Variants in MYO1B observed in about 807,000 individuals in gnomAD.
MYO1B encodes myosin IB.
In MYO1B, 72 loss-of-function variants were observed where a neutral mutation model predicts 159.7. The ratio of observed to expected loss-of-function variants is 0.45; its 90% CI spans 0.37 to 0.55. The LOEUF (loss-of-function observed/expected upper bound fraction) is 0.55. Ranked by LOEUF, MYO1B falls within the 20% of genes least tolerant of loss-of-function variation. MYO1B has a pLI of 0.00. For synonymous variants in MYO1B, 468 were observed against 473.8 expected, an observed-to-expected ratio of 0.99 and a Z score of 0.16; for missense variants, 1,062 against 1,364.8, an observed-to-expected ratio of 0.78 and a Z score of 3.50.
intron 1 of MYO1B, among the ~76,000 whole-genome samples, chr2:191,254,888 C>A (rs955668438): frequency 6.6e-6 from 1 of 152,042 alleles, no homozygotes; most frequent in Admixed American, 6.6e-5. Flanking sequence ...TGTTTAGGTG[C>A]CTAGTATGTT....
chr2:191,389,728 C>T (rs1480047983), intron 17 of MYO1B, among the ~76,000 whole-genome samples: 2 of 152,206 alleles, frequency 1.3e-5, no homozygotes, highest in Non-Finnish European at 2.9e-5. Flanking sequence ...AGGGAGGAAA[C>T]AGTGTTTTTT....
chr2:191,387,100 G>A (rs970813957), intron 16 of MYO1B, 124 bp from the exon 17 acceptor site: 35 of 917,360 alleles, frequency 3.8e-5, no homozygotes, highest in Middle Eastern at 2.4e-4. Flanking sequence ...TGACTAACAT[G>A]TCAGGGATTT....
chr2:191,272,259 A>G (rs746223105), intron 1 of MYO1B, among the ~76,000 whole-genome samples: 3 of 152,236 alleles, frequency 2.0e-5, no homozygotes, highest in Non-Finnish European at 4.4e-5. Flanking sequence ...ACCAGTTGGC[A>G]GGCTTGTGGC....
chr2:191,352,232 C>T (rs10184298), intron 7 of MYO1B, among the ~76,000 whole-genome samples: 3,360 of 152,214 alleles, frequency 0.022, 113 homozygotes, highest in African/African-American at 0.075. Context: ...TTTAAGATCA[C>T]CATTTTAAGG....
In MYO1B at chr2:191,411,116, A is replaced by G; in HGVS notation, c.2817A>G (p.Glu939=). The change falls in exon 27 of 31, where the codon GAA becomes GAG. Residue 939 remains glutamate (E), a synonymous_variant. Transcript: ENST00000392318. ...QFTDQQKLIY[E]EKLEASELFK... ...CAGACCAGCAGAAACTTATTTATGA[A>G]GAGAAACTAGAAGCCAGTGAACTCT... The G allele has an allele frequency of 6.2e-7, 1 of 1,612,628 alleles. No individual in the cohort carries two copies. The highest frequency in any genetic ancestry group is 1.3e-5 in the African/African-American group (1 of 74,968).
At chr2:191,390,733 G>T (rs577733555) in intron 18 of MYO1B, among the ~76,000 whole-genome samples, 1 of 152,194 alleles carries the variant, frequency 6.6e-6, no homozygotes, top group African/African-American at 2.4e-5. Context: ...AGGTAGGTTC[G>T]TAGGAGGTGG....
intron 14 of MYO1B, 77 bp from the exon 15 acceptor site, chr2:191,383,203 G>C: frequency 1.2e-6 from 1 of 835,754 alleles, no homozygotes; most frequent in South Asian, 1.7e-5. Flanking sequence ...TGATAAGATG[G>C]TCAAAGTCTG....
At chr2:191,256,068 C>T (rs1367608338) in intron 1 of MYO1B, among the ~76,000 whole-genome samples, 1 of 152,120 alleles carries the variant, frequency 6.6e-6, no homozygotes, top group African/African-American at 2.4e-5. Context: ...GGATGGGATC[C>T]AAACTGAGTT....
rs554916817 is a variant in MYO1B, at chr2:191,336,545, A to C, written c.347-4916A>C. Reference sequence around the variant, plus strand: ...TCAGAAGAGGATGACATACAGGCTTATTTCAATAAAAACATCACCAGTTGT... The same window carrying C: ...TCAGAAGAGGATGACATACAGGCTTCTTTCAATAAAAACATCACCAGTTGT... On this transcript the variant is annotated intron_variant, in intron 4 of 30. Transcript: ENST00000392318. Among the ~76,000 whole-genome samples the C allele has an allele frequency of 2.6e-5, 4 of 152,312 alleles. No individual in the cohort carries two copies. The South Asian group carries it at 8.3e-4, about 32-fold the overall frequency.
At chr2:191,279,554 A>G (rs1213692506) in intron 2 of MYO1B, among the ~76,000 whole-genome samples, 1 of 152,122 alleles carries the variant, frequency 6.6e-6, no homozygotes, top group African/African-American at 2.4e-5. Flanking sequence ...TTTGATTACC[A>G]CACTCTCCAG....
At chr2:191,315,038 T>G (rs1489336696) in intron 3 of MYO1B, among the ~76,000 whole-genome samples, 1 of 152,114 alleles carries the variant, frequency 6.6e-6, no homozygotes, top group South Asian at 2.1e-4. Flanking sequence ...ATGTTACAGG[T>G]GTAAGTGAAT....
chr2:191,305,366 C>T (rs982705567), intron 3 of MYO1B, among the ~76,000 whole-genome samples: 3 of 152,114 alleles, frequency 2.0e-5, no homozygotes, highest in Admixed American at 6.5e-5. Context: ...TTCAGCAGAG[C>T]GAATATGAGG....
chr2:191,349,922 C>T (rs1235141747), intron 6 of MYO1B, among the ~76,000 whole-genome samples: 1 of 152,136 alleles, frequency 6.6e-6, no homozygotes, highest in Admixed American at 6.5e-5. Flanking sequence ...CACATGATGG[C>T]TGAGAAGATT....
chr2:191,268,734 G>A (rs938562125), intron 1 of MYO1B, among the ~76,000 whole-genome samples: 1 of 152,176 alleles, frequency 6.6e-6, no homozygotes, highest in Admixed American at 6.5e-5. Flanking sequence ...CATGATAGCT[G>A]TTCCCTGGAT....
intron 30 of MYO1B, among the ~76,000 whole-genome samples, chr2:191,419,362 C>T (rs994394746): frequency 2.2e-4 from 33 of 151,798 alleles, no homozygotes; most frequent in Middle Eastern, 3.4e-3. Context: ...GGGACTACAG[C>T]TGCCCGCCAC....
chr2:191,406,972 G>A (rs1696955981), intron 24 of MYO1B, among the ~76,000 whole-genome samples: 1 of 152,190 alleles, frequency 6.6e-6, no homozygotes, highest in Non-Finnish European at 1.5e-5. Context: ...GTACAGATGA[G>A]GAAAGCATCA....
At chr2:191,405,245 C>G (rs1696848460) in intron 24 of MYO1B, among the ~76,000 whole-genome samples, 1 of 152,166 alleles carries the variant, frequency 6.6e-6, no homozygotes, top group Non-Finnish European at 1.5e-5. Context: ...GAGATTGCAG[C>G]AATTCAGTCC....
intron 2 of MYO1B, among the ~76,000 whole-genome samples, chr2:191,287,543 G>A (rs1388506531): frequency 1.3e-5 from 2 of 150,828 alleles, no homozygotes; most frequent in African/African-American, 4.9e-5. Context: ...AAAAAAAAAA[G>A]GTGAGGAAAC....
intron 6 of MYO1B, among the ~76,000 whole-genome samples, chr2:191,348,351 G>A (rs982297324): frequency 6.6e-6 from 1 of 152,016 alleles, no homozygotes; most frequent in Non-Finnish European, 1.5e-5. Context: ...CTGCTTCCTG[G>A]TGCCTGACCT....
Sources: gnomAD v4.1 joint callset for allele counts (sites outside exome capture counted in the v4.1 genomes callset) on GRCh38, gnomAD v4.1.1 for gene constraint, MANE v1.5 for transcripts, NCBI Gene and HGNC (gene_info 2026-07-23, HGNC 2026-07-21) for gene names.